Variants in WLS observed in about 807,000 individuals in gnomAD.
WLS encodes the protein Wnt ligand secretion mediator.
In WLS, 23 loss-of-function variants were observed where a neutral mutation model predicts 62.8. That is an observed-to-expected ratio of 0.37 (90% CI 0.26 to 0.52). WLS has a LOEUF of 0.52. WLS is among the 20% of genes least tolerant of loss of function. WLS has a pLI of 0.92. For synonymous variants in WLS, 246 were observed against 244.1 expected (o/e 1.01, Z -0.07); for missense variants, 615 against 697.3 (o/e 0.88, Z 1.33).
In WLS at chr1:68,224,192, G is replaced by A. The variant is rs1650046202; in HGVS notation, c.106+8002C>T. Among the ~76,000 whole-genome samples the A allele has an allele frequency of 2.0e-5, 3 of 152,268 alleles. No homozygotes were observed. The South Asian group carries it at 6.2e-4, about 32-fold the overall frequency. ...TACCCCTTGGCCACATTATGAGAAT[G>A]GAGTACTAAGGAGAAAGGGGGAGCA... On this transcript the variant is annotated intron_variant, in intron 1 of 11. Coordinates refer to ENST00000262348, the MANE Select transcript of WLS (RefSeq NM_024911.7).
At chr1:68,152,968 C>G (rs1407528385) in intron 5 of WLS, among the ~76,000 whole-genome samples, 2 of 152,074 alleles carry the variant, frequency 1.3e-5, no homozygotes, top group African/African-American at 4.8e-5. Flanking sequence ...TCCCGAAGAG[C>G]AAAGACAGGT....
At position 68,126,045 on chromosome 1, in the gene WLS, C is replaced by T. The variant is rs190472558; in HGVS notation, c.*181G>A. The T allele has an allele frequency of 3.2e-5, 46 of 1,433,514 alleles. 1 individual carries two copies. The African/African-American group carries it at 4.0e-4, about 13-fold the overall frequency. The allele number at this position is 1,433,514 out of a possible 1,614,324, so 88.8% of individuals were successfully genotyped here. The stretch of plus-strand genomic sequence containing the variant: ...ACAATGCATTAGTGGCTGCAGGAAT[C>T]TTCCTCCAAAAGCTACCGTCAGAAG... On this transcript the variant is annotated 3_prime_UTR_variant, in exon 12 of 12. Coordinates refer to ENST00000262348, the MANE Select transcript of WLS (RefSeq NM_024911.7).
intron 4 of WLS, 55 bp from the exon 5 acceptor site, chr1:68,153,708 C>T: frequency 6.2e-7 from 1 of 1,608,324 alleles, no homozygotes; most frequent in Non-Finnish European, 8.5e-7. Flanking sequence ...GCATTTCCTT[C>T]TACTAGCAAA....
chr1:68,193,475 GT>G (rs1648482377), intron 2 of WLS, among the ~76,000 whole-genome samples: 1 of 139,344 alleles, frequency 7.2e-6, no homozygotes, highest in Non-Finnish European at 1.5e-5. Flanking sequence ...GGGGAAATGG[GT>G]GCTCATGGGT....
chr1:68,209,467 T>G (rs1571017769), intron 1 of WLS, among the ~76,000 whole-genome samples: 2 of 152,150 alleles, frequency 1.3e-5, no homozygotes. Context: ...CTTAACAGGG[T>G]GATTTTCATT....
chr1:68,099,171 C>T (rs1646045920), intron 11 of WLS, among the ~76,000 whole-genome samples: 1 of 152,128 alleles, frequency 6.6e-6, no homozygotes, highest in Non-Finnish European at 1.5e-5. Context: ...GGATTCCCAG[C>T]TTGTGTCATT....
intron 2 of WLS, among the ~76,000 whole-genome samples, chr1:68,165,428 G>T (rs1345982265): frequency 6.6e-6 from 1 of 152,150 alleles, no homozygotes; most frequent in Non-Finnish European, 1.5e-5. Flanking sequence ...GCTCCGAGAT[G>T]TCAGACTCCA....
intron 11 of WLS, among the ~76,000 whole-genome samples, chr1:68,118,773 G>A (rs750945283): frequency 4.0e-5 from 6 of 150,660 alleles, no homozygotes; most frequent in Non-Finnish European, 8.8e-5. Context: ...CTACTCAGGA[G>A]GCTAAGGCAG....
intron 11 of WLS, among the ~76,000 whole-genome samples, chr1:68,118,471 C>G (rs1469302143): frequency 6.6e-6 from 1 of 152,140 alleles, no homozygotes; most frequent in Non-Finnish European, 1.5e-5. Flanking sequence ...TAGCCTTCAT[C>G]GCTATCACCT....
At chr1:68,168,569 TA>T (rs1443354395) in intron 2 of WLS, among the ~76,000 whole-genome samples, 1 of 152,172 alleles carries the variant, frequency 6.6e-6, no homozygotes, top group Admixed American at 6.5e-5. Context: ...CAAGATATAT[TA>T]GAGGAAATCA....
At chr1:68,227,459 A>G (rs1451722307) in intron 1 of WLS, among the ~76,000 whole-genome samples, 1 of 151,836 alleles carries the variant, frequency 6.6e-6, no homozygotes, top group Non-Finnish European at 1.5e-5. Flanking sequence ...GAGCATGATT[A>G]CACTGCAAGA....
At chr1:68,228,902 T>G (rs1006367066) in intron 1 of WLS, among the ~76,000 whole-genome samples, 3 of 148,038 alleles carry the variant, frequency 2.0e-5, no homozygotes, top group East Asian at 1.9e-4. Context: ...TTTTTGTTTT[T>G]TTTTTTTTTT....
chr1:68,214,165 C>T (rs1649634992), intron 1 of WLS, among the ~76,000 whole-genome samples: 1 of 146,078 alleles, frequency 6.8e-6, no homozygotes, highest in African/African-American at 2.5e-5. Context: ...CAACTTGGTG[C>T]TCAACAGTGA....
Position 68,155,091 on chromosome 1 carries a change from TCACTTAC to T in WLS, c.666+1_666+7del. The T allele has an allele frequency of 6.2e-7, 1 of 1,612,660 alleles. No homozygotes were observed. On this transcript the variant is annotated splice_donor_variant and splice_donor_5th_base_variant and intron_variant, in intron 4 of 11. Transcript: ENST00000262348. LOFTEE classifies it high-confidence loss of function. Reference sequence around the variant, plus strand: ...ATACACATGTCAAGATCAATTACATTCACTTACCACCAACCGGATATCCTTTATCTCC... The same window carrying T: ...ATACACATGTCAAGATCAATTACATTCACCAACCGGATATCCTTTATCTCC...
intron 11 of WLS, among the ~76,000 whole-genome samples, chr1:68,107,048 C>CA (rs931416219): frequency 6.6e-6 from 1 of 152,092 alleles, no homozygotes; most frequent in African/African-American, 2.4e-5. Flanking sequence ...AGAAAATGAT[C>CA]AAAATAATCC....
chr1:68,225,166 G>T (rs1461402019), intron 1 of WLS, among the ~76,000 whole-genome samples: 2 of 151,656 alleles, frequency 1.3e-5, no homozygotes, highest in Non-Finnish European at 2.9e-5. Context: ...TTTAGTCAGG[G>T]ATAGAATGTG....
chr1:68,183,936 T>C (rs752806340), intron 2 of WLS, among the ~76,000 whole-genome samples: 2 of 152,122 alleles, frequency 1.3e-5, no homozygotes, highest in African/African-American at 2.4e-5. Flanking sequence ...CCATTTGCAA[T>C]AATGAAACAA....
chr1:68,199,384 A>G (rs539524024), intron 1 of WLS, among the ~76,000 whole-genome samples: 1 of 152,238 alleles, frequency 6.6e-6, no homozygotes, highest in South Asian at 2.1e-4. Flanking sequence ...CTCCAGTTGT[A>G]AAAAGAGCTG....
At chr1:68,194,342 T>G in intron 1 of WLS, 115 bp from the exon 2 acceptor site, 1 of 1,354,788 alleles carries the variant, frequency 7.4e-7, no homozygotes, top group Non-Finnish European at 9.9e-7. Context: ...CTTCTACAAG[T>G]GGGGCTCAGC....
Sources: gnomAD v4.1 joint callset for allele counts (sites outside exome capture counted in the v4.1 genomes callset) on GRCh38, gnomAD v4.1.1 for gene constraint, MANE v1.5 for transcripts, NCBI Gene and HGNC (gene_info 2026-07-23, HGNC 2026-07-21) for gene names.